The following EPHA5 variants were observed in gnomAD, a reference collection of about 807,000 sequenced individuals.
EPHA5 encodes the protein ephrin type-A receptor 5.
A neutral mutation model predicts 105.0 loss-of-function variants in EPHA5; 60 were observed. The ratio of observed to expected loss-of-function variants is 0.57; its 90% CI spans 0.46 to 0.71. EPHA5 has a LOEUF of 0.71. Ranked by LOEUF, EPHA5 falls within the 30% of genes least tolerant of loss-of-function variation. The pLI is 0.00. For missense variants in EPHA5, 1,218 were observed against 1,274.7 expected, an observed-to-expected ratio of 0.96 and a Z score of 0.68; for synonymous variants, 513 against 449.1, an observed-to-expected ratio of 1.14 and a Z score of -1.80.
chr4:65,477,738 C>T (rs1343337076), intron 5 of EPHA5, among the ~76,000 whole-genome samples: 2 of 152,026 alleles, frequency 1.3e-5, no homozygotes, highest in African/African-American at 4.8e-5. Context: ...AACTTCAGTT[C>T]CTTCATCCCA....
chr4:65,663,635 C>A (rs114132200), intron 1 of EPHA5, among the ~76,000 whole-genome samples: 1 of 151,754 alleles, frequency 6.6e-6, no homozygotes, highest in Non-Finnish European at 1.5e-5. Context: ...AGTTTAAATG[C>A]GATTTTTAAA....
chr4:65,469,343 C>A (rs1273362567), intron 5 of EPHA5, among the ~76,000 whole-genome samples: 1 of 152,082 alleles, frequency 6.6e-6, no homozygotes, highest in African/African-American at 2.4e-5. Flanking sequence ...GGTCAGAAAA[C>A]TATGAATTTA....
At chr4:65,521,089 G>A (rs950945063) in intron 3 of EPHA5, among the ~76,000 whole-genome samples, 16 of 152,038 alleles carry the variant, frequency 1.1e-4, no homozygotes, top group African/African-American at 4.8e-5. Context: ...TGTTTATTGC[G>A]GCACTATTCA....
At chr4:65,608,300 C>T (rs1277439737) in intron 2 of EPHA5, among the ~76,000 whole-genome samples, 1 of 151,992 alleles carries the variant, frequency 6.6e-6, no homozygotes, top group Non-Finnish European at 1.5e-5. Context: ...GTCAGGAGAT[C>T]GAGACCATCC....
chr4:65,456,725 C>T (rs62298049), intron 5 of EPHA5, among the ~76,000 whole-genome samples: 38,596 of 148,348 alleles, frequency 0.26, 5,309 homozygotes, highest in Middle Eastern at 0.35. Flanking sequence ...TAAACATATA[C>T]ACACACACAC....
At chr4:65,611,716 T>C (rs566381175) in intron 2 of EPHA5, among the ~76,000 whole-genome samples, 2 of 152,130 alleles carry the variant, frequency 1.3e-5, no homozygotes, top group African/African-American at 4.8e-5. Flanking sequence ...ATAAATCAAT[T>C]CTATATCTCA....
At chr4:65,430,540 T>C (rs1298798221) in intron 5 of EPHA5, among the ~76,000 whole-genome samples, 1 of 150,294 alleles carries the variant, frequency 6.7e-6, no homozygotes, top group Non-Finnish European at 1.5e-5. Flanking sequence ...TAAGAAACAT[T>C]ATGTGCCAGA....
At chr4:65,511,118 C>T (rs73822190) in intron 3 of EPHA5, among the ~76,000 whole-genome samples, 3 of 152,088 alleles carry the variant, frequency 2.0e-5, no homozygotes, top group East Asian at 1.9e-4. Context: ...TGGTCTTGGA[C>T]TTTCTAGACT....
intron 2 of EPHA5, among the ~76,000 whole-genome samples, chr4:65,641,561 ATATACC>A (rs1377267628): frequency 6.6e-6 from 1 of 152,176 alleles, no homozygotes; most frequent in African/African-American, 2.4e-5. Context: ...CTATCATTGT[ATATACC>A]TTGAACATTC....
chr4:65,534,063 T>C (rs554191845), intron 3 of EPHA5, among the ~76,000 whole-genome samples: 1 of 152,174 alleles, frequency 6.6e-6, no homozygotes, highest in Non-Finnish European at 1.5e-5. Flanking sequence ...AACTCACTAA[T>C]AAAACTAAGA....
chr4:65,631,608 A>G (rs943270493), intron 2 of EPHA5, among the ~76,000 whole-genome samples: 7 of 152,130 alleles, frequency 4.6e-5, no homozygotes, highest in African/African-American at 1.7e-4. Context: ...AGTCCTCAAT[A>G]TGGGTCAGGT....
intron 5 of EPHA5, among the ~76,000 whole-genome samples, chr4:65,421,499 A>G (rs937175331): frequency 1.3e-5 from 2 of 152,140 alleles, no homozygotes; most frequent in Admixed American, 6.6e-5. Context: ...TGTATGAATT[A>G]TTTTGAATCA....
chr4:65,542,883 T>C (rs1425516902), intron 3 of EPHA5, among the ~76,000 whole-genome samples: 1 of 152,078 alleles, frequency 6.6e-6, no homozygotes, highest in Non-Finnish European at 1.5e-5. Flanking sequence ...TATGATCATG[T>C]TGGTTTCAGC....
At chr4:65,519,800 C>T (rs947957218) in intron 3 of EPHA5, among the ~76,000 whole-genome samples, 1 of 151,892 alleles carries the variant, frequency 6.6e-6, no homozygotes, top group Non-Finnish European at 1.5e-5. Context: ...GAATAAAATC[C>T]CTAGGAATCC....
rs953606272 is a variant in EPHA5, at chr4:65,670,335, G to C, written c.-593C>G. On this transcript the variant is annotated 5_prime_UTR_variant, in exon 1 of 17. Transcript: ENST00000613740. ...ATAGCTGCGGGCTGAGTGCTGAAGA[G>C]GGGAGGGACTGACGGCTGCCGGCCG... 5 of 233,728 alleles carry C rather than the reference G, an allele frequency of 2.1e-5. No homozygotes were observed. Among genetic ancestry groups the C allele is most frequent in the African/African-American group, 8.8e-5 (4 of 45,506 alleles). The allele number at this position is 233,728 out of a possible 1,614,324, so 14.5% of individuals were successfully genotyped here.
chr4:65,367,484 C>T lies in EPHA5; in HGVS notation c.1794-60G>A, dbSNP rs2148896895. On this transcript the variant is annotated intron_variant, in intron 8 of 16. Transcript: ENST00000613740. ...AAAGTGGTGAATCAGTCACATCAAG[C>T]CCAGAAGCATGAAGCACAACTGAAA... 13 of 1,489,926 alleles carry T rather than the reference C, an allele frequency of 8.7e-6. No homozygotes were observed. The South Asian group carries it at 1.2e-4, about 14-fold the overall frequency. The allele number at this position is 1,489,926 out of a possible 1,614,324, so 92.3% of individuals were successfully genotyped here.
intron 13 of EPHA5, among the ~76,000 whole-genome samples, chr4:65,349,601 C>A (rs1722627865): frequency 2.0e-5 from 3 of 151,966 alleles, no homozygotes; most frequent in African/African-American, 7.2e-5. Context: ...ACTTAAATTG[C>A]TGTTTATGAA....
intron 2 of EPHA5, among the ~76,000 whole-genome samples, chr4:65,612,301 A>G (rs1164118340): frequency 3.3e-5 from 5 of 152,010 alleles, no homozygotes; most frequent in African/African-American, 7.2e-5. Flanking sequence ...CCCATTAAGT[A>G]ATTTCTCATC....
At chr4:65,516,612 C>T (rs997874419) in intron 3 of EPHA5, among the ~76,000 whole-genome samples, 16 of 151,918 alleles carry the variant, frequency 1.1e-4, no homozygotes. Context: ...CCTACTGGTT[C>T]TGTTTTTCTG....
Sources: gnomAD v4.1 joint callset for allele counts (sites outside exome capture counted in the v4.1 genomes callset) on GRCh38, gnomAD v4.1.1 for gene constraint, MANE v1.5 for transcripts, NCBI Gene and HGNC (gene_info 2026-07-23, HGNC 2026-07-21) for gene names.